UBASH3A: variants seen among roughly 807,000 people sequenced by gnomAD.
UBASH3A encodes ubiquitin associated and SH3 domain containing A.
A neutral mutation model predicts 73.5 loss-of-function variants in UBASH3A; 63 were observed. That is an observed-to-expected ratio of 0.86 (90% CI 0.70 to 1.06). UBASH3A has a LOEUF of 1.06. UBASH3A is among the 50% of genes least tolerant of loss of function. The pLI is 0.00. For synonymous variants in UBASH3A, 363 were observed against 351.1 expected (o/e 1.03, Z -0.38); for missense variants, 860 against 859.0 (o/e 1.00, Z -0.02).
intron 11 of UBASH3A, among the ~76,000 whole-genome samples, chr21:42,438,512 C>T (rs1214829056): frequency 6.6e-6 from 1 of 152,072 alleles, no homozygotes; most frequent in Non-Finnish European, 1.5e-5. Context: ...ATGCATCAGC[C>T]GGGCTAGGGG....
chr21:42,436,029 A>G (rs1426715620), intron 10 of UBASH3A, among the ~76,000 whole-genome samples: 1 of 150,014 alleles, frequency 6.7e-6, no homozygotes, highest in Non-Finnish European at 1.5e-5. Flanking sequence ...ATAGAGTCAT[A>G]AAATTATAGA....
At chr21:42,405,768 AG>A (rs1189429070) in intron 1 of UBASH3A, among the ~76,000 whole-genome samples, 9 of 152,154 alleles carry the variant, frequency 5.9e-5, no homozygotes, top group Admixed American at 5.9e-4. Context: ...TCCTGTGTTC[AG>A]GGAGTTCTTG....
chr21:42,439,995 CCACACACCA>C (rs1301275694), intron 11 of UBASH3A, among the ~76,000 whole-genome samples: 2 of 146,488 alleles, frequency 1.4e-5, no homozygotes, highest in Admixed American at 6.8e-5. Context: ...CCACACACAC[CCACACACCA>C]CACACACAAC....
rs750750940 is a variant in UBASH3A, at chr21:42,416,473, G to T, written c.699G>T (p.Leu233=). The change falls in exon 6 of 15, where the codon CTG becomes CTT. Residue 233 remains leucine (L), a synonymous_variant. Coordinates refer to ENST00000319294, the MANE Select transcript of UBASH3A (RefSeq NM_018961.4). ...CCGTGAAGCCTTGCACCAAACAGCT[G>T]CATCTGACCTTGGCCCACAAGTTCT... ...YCSVKPCTKQ[L]HLTLAHKFYP... 1 of 1,599,576 alleles carries T rather than the reference G, an allele frequency of 6.3e-7. No homozygotes were observed.
At chr21:42,430,321 G>A (rs2053506154) in intron 8 of UBASH3A, among the ~76,000 whole-genome samples, 1 of 152,190 alleles carries the variant, frequency 6.6e-6, no homozygotes, top group Admixed American at 6.5e-5. Context: ...CCTCCCTGAG[G>A]GTGTTTGGAT....
At chr21:42,439,364 T>C (rs2053688061) in intron 11 of UBASH3A, among the ~76,000 whole-genome samples, 1 of 152,064 alleles carries the variant, frequency 6.6e-6, no homozygotes, top group African/African-American at 2.4e-5. Flanking sequence ...ACCCCACCCC[T>C]CTGCACGGCA....
chr21:42,437,711 G>C (rs2053652308), intron 11 of UBASH3A, 131 bp downstream of exon 11: 2 of 779,026 alleles, frequency 2.6e-6, no homozygotes, highest in African/African-American at 3.4e-5. Flanking sequence ...CATCAGGCAA[G>C]TACGAGCCAG....
intron 10 of UBASH3A, among the ~76,000 whole-genome samples, chr21:42,435,834 G>T (rs1387411444): frequency 1.3e-5 from 2 of 151,870 alleles, no homozygotes; most frequent in Non-Finnish European, 2.9e-5. Flanking sequence ...TAGAGTCATA[G>T]ATTTATAGAG....
At chr21:42,427,134 A>T (rs368300455) in intron 8 of UBASH3A, among the ~76,000 whole-genome samples, 7 of 152,146 alleles carry the variant, frequency 4.6e-5, no homozygotes, top group African/African-American at 1.7e-4. Context: ...CCAAGACGTC[A>T]CCTGCCCCGG....
chr21:42,417,870 CTTTTTTTCTTTTT>C (rs2053248419), intron 6 of UBASH3A, among the ~76,000 whole-genome samples: 1 of 119,528 alleles, frequency 8.4e-6, no homozygotes, highest in African/African-American at 3.1e-5. Flanking sequence ...TTTTTTTTTT[CTTTTTTTCTTTTT>C]TTTTTTTTTT....
chr21:42,434,078 G>A (rs1469607147), intron 9 of UBASH3A, among the ~76,000 whole-genome samples: 1 of 151,398 alleles, frequency 6.6e-6, no homozygotes, highest in Non-Finnish European at 1.5e-5. Context: ...TCCTGACGTG[G>A]TGACATGAGA....
Position 42,444,606 on chromosome 21 carries a change from C to T in UBASH3A, c.1811C>T (p.Pro604Leu). 1 of 1,614,216 alleles carries T rather than the reference C, an allele frequency of 6.2e-7. No homozygotes were observed. Among genetic ancestry groups the T allele is most frequent in the Non-Finnish European group, 8.5e-7 (1 of 1,180,032 alleles). The change falls in exon 14 of 15, where the codon CCC becomes CTC. Residue 604 changes from proline to leucine, a missense_variant. Physicochemically the swap from Pro to Leu is moderately conservative, Grantham distance 98 (BLOSUM62 -3). Coordinates refer to ENST00000319294, the MANE Select transcript of UBASH3A (RefSeq NM_018961.4). ...SCTRPLLGLP[P>L]RECGDFAQLV... ...ACGCGGCCACTGCTCGGGCTGCCGC[C>T]CCGGGAATGTGGGGATTTTGCCCAA...
intron 8 of UBASH3A, among the ~76,000 whole-genome samples, chr21:42,430,342 T>C (rs2053506276): frequency 6.6e-6 from 1 of 152,164 alleles, no homozygotes; most frequent in South Asian, 2.1e-4. Flanking sequence ...GTTAAAGCCA[T>C]TTGCATTTTC....
chr21:42,405,707 A>G, intron 1 of UBASH3A, among the ~76,000 whole-genome samples: 1 of 152,144 alleles, frequency 6.6e-6, no homozygotes, highest in East Asian at 1.9e-4. Flanking sequence ...GTTCTGCCCA[A>G]TTCAATGCAA....
At chr21:42,407,134 T>C (rs912996160) in intron 2 of UBASH3A, among the ~76,000 whole-genome samples, 3 of 152,158 alleles carry the variant, frequency 2.0e-5, no homozygotes, top group East Asian at 1.9e-4. Flanking sequence ...ATGGGCCTGT[T>C]CTCTGCTCTG....
chr21:42,411,799 C>T (rs376355229), intron 3 of UBASH3A, among the ~76,000 whole-genome samples: 1 of 152,204 alleles, frequency 6.6e-6, no homozygotes, highest in Non-Finnish European at 1.5e-5. Flanking sequence ...TATAACATGA[C>T]TATTCTTGAA....
At chr21:42,428,860 C>T (rs1275073336) in intron 8 of UBASH3A, among the ~76,000 whole-genome samples, 1 of 152,100 alleles carries the variant, frequency 6.6e-6, no homozygotes, top group African/African-American at 2.4e-5. Context: ...CCCTTCCCTA[C>T]AGTAAGAAAA....
In UBASH3A at chr21:42,432,210, A is replaced by G; in HGVS notation, c.1270+8A>G. The G allele has an allele frequency of 1.3e-6, 2 of 1,599,418 alleles. No individual in the cohort carries two copies. The highest frequency in any genetic ancestry group is 8.6e-7 in the Non-Finnish European group (1 of 1,167,526). On this transcript the variant is annotated splice_region_variant and intron_variant, in intron 9 of 14. Transcript: ENST00000319294. ...AATGCTCCACTCCTGATGGTAGGTCACACTCAGGCGGGTCTACGGACAGAA... is the reference window on the plus strand; with the variant it reads ...AATGCTCCACTCCTGATGGTAGGTCGCACTCAGGCGGGTCTACGGACAGAA...
intron 11 of UBASH3A, 133 bp from the exon 12 acceptor site, chr21:42,442,319 G>A (rs2053760875): frequency 1.0e-6 from 1 of 968,302 alleles, no homozygotes. Context: ...TATTTGCCAA[G>A]AAGAAAATCA....
Sources: allele counts gnomAD v4.1 joint callset (sites outside exome capture counted in the v4.1 genomes callset), GRCh38; gene constraint gnomAD v4.1.1; transcripts MANE v1.5; gene names NCBI Gene and HGNC (gene_info 2026-07-23, HGNC 2026-07-21).